SEC24B: variants seen among roughly 807,000 people sequenced by gnomAD.
The protein encoded by SEC24B is SEC24 homolog B, COPII component.
SEC24B carries 45 observed loss-of-function variants against 142.8 expected under a neutral mutation model. The observed-to-expected ratio is 0.32, with a 90% CI of 0.25 to 0.40. SEC24B has a LOEUF of 0.40. Among genes scored for constraint, SEC24B ranks in the 10% least tolerant of loss-of-function variants. The probability of loss-of-function intolerance (pLI) is 1.00; values close to 1 mark genes in which losing one functional copy is unlikely to be tolerated. For missense variants in SEC24B, 1,409 were observed against 1,526.8 expected, an observed-to-expected ratio of 0.92 and a Z score of 1.29; for synonymous variants, 574 against 568.2, an observed-to-expected ratio of 1.01 and a Z score of -0.15.
chr4:109,433,881 C>T lies in SEC24B; in HGVS notation c.12C>T (p.Pro4=), dbSNP rs1477525598. 9.7e-6 allele frequency: 13 copies of T among 1,341,386 alleles called. No homozygotes were observed. Among genetic ancestry groups the T allele is most frequent in the African/African-American group, 1.5e-5 (1 of 65,534 alleles). 83.1% of individuals were successfully genotyped at this position (1,341,386 alleles called of 1,614,324 possible). Reference sequence around the variant, plus strand: ...CCACCAGCGCCGTCATGTCGGCCCCCGCCGGGTCCTCTCACCCGGCCGCCA... The same window carrying T: ...CCACCAGCGCCGTCATGTCGGCCCCTGCCGGGTCCTCTCACCCGGCCGCCA... MSA[P]AGSSHPAASA... Residue 4 remains proline, a synonymous_variant, in exon 1 of 24, where the codon CCC becomes CCT. Transcript: ENST00000265175.
intron 4 of SEC24B, among the ~76,000 whole-genome samples, chr4:109,483,003 C>CACACACATATACACACACACACAT (rs1408633373): frequency 1.2e-5 from 1 of 84,108 alleles, no homozygotes; most frequent in African/African-American, 8.2e-5. Context: ...CACACACACA[C>CACACACATATACACACACACACAT]ATATTATACA....
At chr4:109,467,321 G>A (rs1455089430) in intron 2 of SEC24B, among the ~76,000 whole-genome samples, 3 of 120,862 alleles carry the variant, frequency 2.5e-5, no homozygotes, top group Non-Finnish European at 3.3e-5. Context: ...GCGAGACTCC[G>A]TCTCAAAAAA....
At chr4:109,534,430 C>CA (rs1009409637) in intron 22 of SEC24B, among the ~76,000 whole-genome samples, 1 of 151,518 alleles carries the variant, frequency 6.6e-6, no homozygotes, top group African/African-American at 2.4e-5. Flanking sequence ...ACTAAAAATA[C>CA]AAAAAAATTA....
Position 109,494,501 on chromosome 4 carries a change from A to G in SEC24B, c.1247-114A>G, listed in dbSNP as rs1735331703. ...GTGTGTGTCCAAAATTTCTTAGAAT[A>G]AAAAGCTTTAAAAAGTAAAAAGGAA... On this transcript the variant is annotated intron_variant, in intron 5 of 23. Coordinates refer to ENST00000265175, the MANE Select transcript of SEC24B (RefSeq NM_006323.5). The G allele has an allele frequency of 2.2e-6, 3 of 1,376,908 alleles. No homozygotes were observed. In the African/African-American group the frequency reaches 4.4e-5, roughly 20 times the overall value. 85.3% of individuals were successfully genotyped at this position (1,376,908 alleles called of 1,614,324 possible). A position where few individuals can be genotyped will look rare whatever the true frequency, so the allele number is the denominator to read the frequency against.
intron 14 of SEC24B, among the ~76,000 whole-genome samples, chr4:109,522,731 C>T (rs1723783509): frequency 1.3e-5 from 2 of 152,022 alleles, no homozygotes; most frequent in African/African-American, 4.8e-5. Context: ...TACAAATAAG[C>T]ATAATTGGAC....
rs147407162 is a variant in SEC24B at position 109,519,026 on chromosome 4, C to T, written c.2127-1340C>T. Among the ~76,000 whole-genome samples, 1,157 of 152,088 alleles carry T rather than the reference C, an allele frequency of 7.6e-3. 16 individuals are homozygous for T. The highest frequency in any genetic ancestry group is 0.025 in the African/African-American group (1,055 of 41,500). On this transcript the variant is annotated intron_variant, in intron 11 of 23. Transcript: ENST00000265175. ...TTTGCCATGTTGCCCAGGCTGATCT[C>T]GAACTCCTGAGCTCAAGCGATCCAC...
At chr4:109,492,160 A>AAT (rs1472269540) in intron 5 of SEC24B, among the ~76,000 whole-genome samples, 2 of 152,100 alleles carry the variant, frequency 1.3e-5, no homozygotes, top group African/African-American at 4.8e-5. Flanking sequence ...CTTAAAAAAA[A>AAT]AAAAAACCCA....
intron 6 of SEC24B, among the ~76,000 whole-genome samples, chr4:109,498,653 C>G (rs946657646): frequency 6.6e-6 from 1 of 152,160 alleles, no homozygotes; most frequent in African/African-American, 2.4e-5. Flanking sequence ...TGTGACCCAC[C>G]ACGCCTGGCT....
At chr4:109,450,167 C>T (rs769639420) in intron 1 of SEC24B, among the ~76,000 whole-genome samples, 4 of 152,072 alleles carry the variant, frequency 2.6e-5, no homozygotes, top group African/African-American at 4.8e-5. Context: ...GAACTATGAT[C>T]ATACCTTTGT....
intron 22 of SEC24B, among the ~76,000 whole-genome samples, chr4:109,535,593 A>T (rs1040455224): frequency 6.6e-6 from 1 of 151,360 alleles, no homozygotes; most frequent in African/African-American, 2.4e-5. Context: ...TCATGCCTGT[A>T]ATCCCAGCAC....
At chr4:109,458,095 C>A (rs762129764) in intron 1 of SEC24B, among the ~76,000 whole-genome samples, 2 of 148,620 alleles carry the variant, frequency 1.3e-5, no homozygotes, top group South Asian at 2.1e-4. Flanking sequence ...TTTCTTCAGC[C>A]TTTTTTTTTT....
chr4:109,496,876 A>G (rs1046966404), intron 6 of SEC24B, among the ~76,000 whole-genome samples: 2 of 148,796 alleles, frequency 1.3e-5, no homozygotes, highest in Admixed American at 6.6e-5. Flanking sequence ...GCAAATTCCT[A>G]TTTGGGGTTG....
rs974092994 is a variant in SEC24B at position 109,526,457 on chromosome 4, T to C, written c.2965+58T>C. On this transcript the variant is annotated intron_variant, in intron 17 of 23. Coordinates refer to ENST00000265175, the MANE Select transcript of SEC24B (RefSeq NM_006323.5). ...GCAGTAATTCCTCCCTCCTTTCACA[T>C]GGCCTTTAGTGGAGTGGGGAAAAAG... 3 of 1,280,060 alleles carry C rather than the reference T, an allele frequency of 2.3e-6. No homozygotes were observed. In the African/African-American group the frequency reaches 4.5e-5, roughly 19 times the overall value. 79.3% of individuals were successfully genotyped at this position (1,280,060 alleles called of 1,614,324 possible). A position where few individuals can be genotyped will look rare whatever the true frequency, so the allele number is the denominator to read the frequency against.
Position 109,526,222 on chromosome 4 carries a change from T to G in SEC24B, c.2792-4T>G. The G allele has an allele frequency of 6.2e-7, 1 of 1,612,608 alleles. No individual in the cohort carries two copies. The highest frequency in any genetic ancestry group is 8.5e-7 in the Non-Finnish European group (1 of 1,179,484). On this transcript the variant is annotated splice_polypyrimidine_tract_variant and splice_region_variant and intron_variant, in intron 16 of 23. Coordinates refer to ENST00000265175, the MANE Select transcript of SEC24B (RefSeq NM_006323.5). Reference sequence around the variant, plus strand: ...TTGATTTTTTATGATTTTCTCCTTTTTAGGTCTTTCAATGCACACTTTTCA... The same window carrying G: ...TTGATTTTTTATGATTTTCTCCTTTGTAGGTCTTTCAATGCACACTTTTCA...
rs1733739740 is a variant in SEC24B at position 109,481,565 on chromosome 4, G to T, written c.1061-112G>T. The T allele has an allele frequency of 8.6e-6, 6 of 694,554 alleles. No individual in the cohort carries two copies. In the Admixed American group the frequency reaches 1.4e-4, roughly 16 times the overall value. The allele number at this position is 694,554 out of a possible 1,614,324, so 43.0% of individuals were successfully genotyped here. A position where few individuals can be genotyped will look rare whatever the true frequency, so the allele number is the denominator to read the frequency against. On this transcript the variant is annotated intron_variant, in intron 3 of 23. Transcript: ENST00000265175. Reference sequence around the variant, plus strand: ...TTTGCTAATATTAATATGCATGTTGGGATGTTCTTTGGAATGTCAGAGTTC... The same window carrying T: ...TTTGCTAATATTAATATGCATGTTGTGATGTTCTTTGGAATGTCAGAGTTC...
Position 109,491,382 on chromosome 4 carries a change from T to A in SEC24B, c.1221T>A (p.Asp407Glu). 6.2e-7 allele frequency: 1 copy of A among 1,613,684 alleles called. No individual in the cohort carries two copies. Among genetic ancestry groups the A allele is most frequent in the Non-Finnish European group, 8.5e-7 (1 of 1,179,612 alleles). The change falls in exon 5 of 24, where the codon GAT (aspartate) becomes GAA (glutamate). Residue 407 changes from aspartate (D) to glutamate (E), a missense_variant. By Grantham distance (45) the Asp-to-Glu change is conservative. Transcript: ENST00000265175. ...CTTCTCCAATGCCCAACAGTTATGA[T>A]GCCCTGGAAGGAGGCAGTTACCCAG... ...SSASPMPNSY[D>E]ALEGGSYPDM...
intron 2 of SEC24B, among the ~76,000 whole-genome samples, chr4:109,472,786 T>TA (rs1561101581): frequency 6.6e-6 from 1 of 151,638 alleles, no homozygotes; most frequent in African/African-American, 2.4e-5. Flanking sequence ...TTTCAGTTTT[T>TA]AAAAAATCAT....
At chr4:109,439,204 A>G (rs558292267) in intron 1 of SEC24B, among the ~76,000 whole-genome samples, 1 of 152,350 alleles carries the variant, frequency 6.6e-6, no homozygotes, top group Non-Finnish European at 1.5e-5. Flanking sequence ...AGAACTCACT[A>G]TGGAAGATGT....
chr4:109,511,874 C>T (rs2126049148), intron 8 of SEC24B, 83 bp from the exon 9 acceptor site: 2 of 1,344,362 alleles, frequency 1.5e-6, no homozygotes, highest in Middle Eastern at 1.9e-4. Flanking sequence ...GGTTTATGTT[C>T]TGTATTTGGA....
Sources: allele counts gnomAD v4.1 joint callset (sites outside exome capture counted in the v4.1 genomes callset), GRCh38; gene constraint gnomAD v4.1.1; transcripts MANE v1.5; gene names NCBI Gene and HGNC (gene_info 2026-07-23, HGNC 2026-07-21).